Variants in RYR3 observed in about 807,000 individuals in gnomAD.
RYR3 encodes the protein ryanodine receptor 3.
In RYR3, 207 loss-of-function variants were observed where a neutral mutation model predicts 584.3. The ratio of observed to expected loss-of-function variants is 0.35; its 90% CI spans 0.32 to 0.40. The LOEUF is 0.40. Ranked by LOEUF, RYR3 falls within the 10% of genes least tolerant of loss-of-function variation. RYR3 has a pLI of 1.00. For synonymous variants in RYR3, 2,416 were observed against 2,248.5 expected (o/e 1.07, Z -2.11); for missense variants, 5,616 against 6,089.2 (o/e 0.92, Z 2.59).
At chr15:33,790,170 T>G (rs1219641470) in intron 67 of RYR3, among the ~76,000 whole-genome samples, 1 of 151,218 alleles carries the variant, frequency 6.6e-6, no homozygotes, top group Non-Finnish European at 1.5e-5. Context: ...TTTATTGTAT[T>G]TTTTAGTAGA....
chr15:33,399,797 A>G (rs1290982783), intron 1 of RYR3, among the ~76,000 whole-genome samples: 2 of 152,200 alleles, frequency 1.3e-5, no homozygotes, highest in African/African-American at 4.8e-5. Context: ...TTATAGCTGT[A>G]GCTATAAATA....
At chr15:33,684,721 A>G (rs557507962) in intron 38 of RYR3, among the ~76,000 whole-genome samples, 1 of 152,340 alleles carries the variant, frequency 6.6e-6, no homozygotes, top group African/African-American at 2.4e-5. Flanking sequence ...GTTACCCACA[A>G]AGGGAAGCCC....
At chr15:33,593,643 C>G (rs183995317) in intron 16 of RYR3, among the ~76,000 whole-genome samples, 332 of 152,142 alleles carry the variant, frequency 2.2e-3, no homozygotes, top group Non-Finnish European at 4.1e-3. Flanking sequence ...TTTTCAGTGA[C>G]TCCAAATTAG....
intron 41 of RYR3, among the ~76,000 whole-genome samples, 173 bp downstream of exon 41, chr15:33,700,006 T>C (rs1465866726): frequency 6.6e-6 from 1 of 152,190 alleles, no homozygotes; most frequent in African/African-American, 2.4e-5. Flanking sequence ...ACAAGAACGT[T>C]CTCCAACAGA....
At chr15:33,341,131 T>G (rs1346324633) in intron 1 of RYR3, among the ~76,000 whole-genome samples, 1 of 152,048 alleles carries the variant, frequency 6.6e-6, no homozygotes, top group Non-Finnish European at 1.5e-5. Context: ...CTCCTCCTCC[T>G]GGGTTCAAGT....
intron 25 of RYR3, 56 bp downstream of exon 25, chr15:33,634,789 TG>T: frequency 6.7e-7 from 1 of 1,483,512 alleles, no homozygotes; most frequent in Non-Finnish European, 9.4e-7. Flanking sequence ...GTCCTCTTCT[TG>T]GGGCATCCTA....
intron 1 of RYR3, among the ~76,000 whole-genome samples, chr15:33,470,057 T>C (rs1018615574): frequency 1.3e-5 from 2 of 152,154 alleles, no homozygotes; most frequent in Non-Finnish European, 2.9e-5. Flanking sequence ...GTGGGGCACC[T>C]GAAATCCAGG....
chr15:33,648,259 A>G (rs1477576476), intron 30 of RYR3, among the ~76,000 whole-genome samples: 1 of 152,210 alleles, frequency 6.6e-6, no homozygotes, highest in African/African-American at 2.4e-5. Context: ...GTCCAAAGTC[A>G]CATGATGAAT....
chr15:33,494,494 G>T (rs2051247124), intron 2 of RYR3, among the ~76,000 whole-genome samples: 1 of 152,150 alleles, frequency 6.6e-6, no homozygotes, highest in African/African-American at 2.4e-5. Context: ...TTCCACCACT[G>T]TCAGTTCTCT....
intron 16 of RYR3, among the ~76,000 whole-genome samples, chr15:33,588,348 T>C (rs550950779): frequency 6.6e-6 from 1 of 152,342 alleles, no homozygotes; most frequent in Admixed American, 6.5e-5. Flanking sequence ...ACATGTTCTT[T>C]AGAATCCAAA....
intron 1 of RYR3, among the ~76,000 whole-genome samples, chr15:33,461,130 G>A (rs2048006311): frequency 6.6e-6 from 1 of 151,710 alleles, no homozygotes; most frequent in Non-Finnish European, 1.5e-5. Flanking sequence ...ATTTTTAGTA[G>A]AGACGGGGTT....
At chr15:33,539,656 G>A (rs749685747) in intron 6 of RYR3, among the ~76,000 whole-genome samples, 194 bp downstream of exon 6, 2 of 152,072 alleles carry the variant, frequency 1.3e-5, no homozygotes, top group Non-Finnish European at 2.9e-5. Context: ...TGTAACTTTC[G>A]ACTCCTAAAA....
intron 88 of RYR3, 103 bp downstream of exon 88, chr15:33,837,090 A>T (rs1331581737): frequency 1.0e-6 from 1 of 957,486 alleles, no homozygotes; most frequent in African/African-American, 1.6e-5. Flanking sequence ...CACTGATGCC[A>T]TATGACATTG....
chr15:33,368,715 A>G (rs1468977798), intron 1 of RYR3, among the ~76,000 whole-genome samples: 1 of 152,120 alleles, frequency 6.6e-6, no homozygotes, highest in East Asian at 1.9e-4. Context: ...GGAGTGCCCC[A>G]GAACCTCCTC....
chr15:33,686,424 G>T (rs778259476), intron 38 of RYR3, among the ~76,000 whole-genome samples: 2 of 152,168 alleles, frequency 1.3e-5, no homozygotes, highest in Non-Finnish European at 2.9e-5. Flanking sequence ...TGAAATTGAG[G>T]TAATAATTAA....
intron 2 of RYR3, among the ~76,000 whole-genome samples, chr15:33,474,916 A>G (rs2142248898): frequency 6.6e-6 from 1 of 152,334 alleles, no homozygotes; most frequent in Admixed American, 6.5e-5. Context: ...AAGGATAGAC[A>G]TGAACCAGAG....
chr15:33,581,090 T>A (rs1175767693), intron 13 of RYR3, among the ~76,000 whole-genome samples: 1 of 152,100 alleles, frequency 6.6e-6, no homozygotes, highest in African/African-American at 2.4e-5. Context: ...GTTTTGTGCA[T>A]CTGAATGGAA....
chr15:33,348,742 C>T (rs1163605539), intron 1 of RYR3, among the ~76,000 whole-genome samples: 1 of 152,004 alleles, frequency 6.6e-6, no homozygotes, highest in East Asian at 1.9e-4. Context: ...TCCCAAAGTG[C>T]TGGGATTACA....
chr15:33,636,101 T>C (rs907139699), intron 26 of RYR3, among the ~76,000 whole-genome samples: 2 of 152,218 alleles, frequency 1.3e-5, no homozygotes, highest in Non-Finnish European at 1.5e-5. Context: ...AAGATCACTA[T>C]GCAGCTAGTA....
Sources: allele counts gnomAD v4.1 joint callset (sites outside exome capture counted in the v4.1 genomes callset), GRCh38; gene constraint gnomAD v4.1.1; transcripts MANE v1.5; gene names NCBI Gene and HGNC (gene_info 2026-07-23, HGNC 2026-07-21).